Variants in HDAC9 observed in about 807,000 individuals in gnomAD.
The protein encoded by HDAC9 is MEF-2 interacting transcription repressor (MITR) protein.
In HDAC9, 41 loss-of-function variants were observed where a neutral mutation model predicts 139.4. The observed-to-expected ratio is 0.29, with a 90% CI of 0.23 to 0.38. The LOEUF (loss-of-function observed/expected upper bound fraction) is 0.38. Among genes scored for constraint, HDAC9 ranks in the 10% least tolerant of loss-of-function variants. The pLI is 1.00. For missense variants in HDAC9, 1,147 were observed against 1,297.0 expected (o/e 0.88, Z 1.78); for synonymous variants, 517 against 476.2 (o/e 1.09, Z -1.12).
chr7:18,234,492 A>G lies in HDAC9; in HGVS notation c.25+72143A>G, dbSNP rs115991355. ...TATTATTAACCACCTTATTAATAAAAAGCAGCTAACCTTTATTTAGCTGCT... is the reference window on the plus strand; with the variant it reads ...TATTATTAACCACCTTATTAATAAAGAGCAGCTAACCTTTATTTAGCTGCT... On this transcript the variant is annotated intron_variant, in intron 2 of 12. Coordinates refer to the HDAC9 transcript ENST00000417496. 6.3e-3 allele frequency among the ~76,000 whole-genome samples: 961 copies of G among 152,312 alleles called. 15 individuals are homozygous for G. The highest frequency in any genetic ancestry group is 0.022 in the African/African-American group (934 of 41,566).
intron 2 of HDAC9, among the ~76,000 whole-genome samples, chr7:18,174,807 C>T (rs1434402469): frequency 1.3e-5 from 2 of 152,144 alleles, no homozygotes; most frequent in Admixed American, 6.5e-5. Context: ...AATATTGCTG[C>T]CTGATCCTTC....
chr7:18,262,466 G>T (rs1239133588), intron 2 of HDAC9, among the ~76,000 whole-genome samples: 2 of 152,172 alleles, frequency 1.3e-5, no homozygotes, highest in African/African-American at 2.4e-5. Flanking sequence ...TAGTAGACCT[G>T]TTCTACAAGA....
intron 2 of HDAC9, among the ~76,000 whole-genome samples, chr7:18,215,305 T>G (rs1792226596): frequency 6.6e-6 from 1 of 152,194 alleles, no homozygotes; most frequent in African/African-American, 2.4e-5. Flanking sequence ...ATATTAGTTC[T>G]AGAGAAAGTC....
rs990632360 is a variant in HDAC9, at chr7:18,997,534, T to C, written c.*1472T>C. 6.6e-6 allele frequency: 1 copy of C among 152,170 alleles called. No homozygotes were observed. The highest frequency in any genetic ancestry group is 1.5e-5 in the Non-Finnish European group (1 of 68,014). The allele number at this position is 152,170 out of a possible 1,614,324, so 9.4% of individuals were successfully genotyped here. A position where few individuals can be genotyped will look rare whatever the true frequency, so the allele number is the denominator to read the frequency against. ...ACAATGCTTTTGAAAGAGTTGATGT[T>C]TCTTTTTATATATTTTTCTAACTCA... On this transcript the variant is annotated 3_prime_UTR_variant, in exon 26 of 26. Transcript: ENST00000686413.
chr7:18,971,457 A>G (rs1448570379), intron 24 of HDAC9, among the ~76,000 whole-genome samples: 3 of 152,228 alleles, frequency 2.0e-5, no homozygotes, highest in African/African-American at 2.4e-5. Flanking sequence ...CATTTCTCGT[A>G]TGTGATAATG....
intron 17 of HDAC9, among the ~76,000 whole-genome samples, chr7:18,814,696 G>T (rs1794435499): frequency 6.6e-6 from 1 of 151,978 alleles, no homozygotes; most frequent in East Asian, 1.9e-4. Context: ...AATTTCTGTG[G>T]TCAAAATTTG....
chr7:18,896,587 G>A (rs557496255), intron 22 of HDAC9, among the ~76,000 whole-genome samples: 2 of 152,158 alleles, frequency 1.3e-5, no homozygotes, highest in South Asian at 4.2e-4. Context: ...CCCATTAAGT[G>A]TTTTCTTTTT....
chr7:18,143,226 A>G (rs1786042839), intron 1 of HDAC9, among the ~76,000 whole-genome samples: 1 of 152,216 alleles, frequency 6.6e-6, no homozygotes, highest in African/African-American at 2.4e-5. Context: ...GGAATTGCTG[A>G]TAGTAATTCT....
At chr7:18,656,251 G>T (rs2129050136) in intron 11 of HDAC9, among the ~76,000 whole-genome samples, 1 of 152,092 alleles carries the variant, frequency 6.6e-6, no homozygotes, top group South Asian at 2.1e-4. Context: ...ATGTACTGCT[G>T]CTCTCTTGCT....
At chr7:18,895,404 G>A (rs1405733359) in intron 22 of HDAC9, among the ~76,000 whole-genome samples, 1 of 152,072 alleles carries the variant, frequency 6.6e-6, no homozygotes, top group Non-Finnish European at 1.5e-5. Flanking sequence ...AAATACTGCA[G>A]TGTGGCAGTA....
At chr7:18,477,207 G>GGAC (rs1795178049) in intron 1 of HDAC9, among the ~76,000 whole-genome samples, 1 of 152,094 alleles carries the variant, frequency 6.6e-6, no homozygotes, top group South Asian at 2.1e-4. Context: ...TTATATTATA[G>GGAC]TCAACTATGA....
intron 14 of HDAC9, 65 bp downstream of exon 14, chr7:18,749,203 A>G: frequency 6.6e-7 from 1 of 1,516,830 alleles, no homozygotes; most frequent in African/African-American, 1.4e-5. Flanking sequence ...GCCAGTATTC[A>G]TTTGGGGAGT....
intron 12 of HDAC9, among the ~76,000 whole-genome samples, chr7:18,682,376 T>G (rs1486657589): frequency 5.9e-5 from 9 of 152,172 alleles, no homozygotes; most frequent in African/African-American, 2.2e-4. Context: ...TTGTGTATGA[T>G]TAATTTTTCA....
intron 25 of HDAC9, among the ~76,000 whole-genome samples, chr7:18,976,391 G>A (rs369642303): frequency 6.6e-6 from 1 of 152,168 alleles, no homozygotes; most frequent in Admixed American, 6.5e-5. Context: ...ATGCTAGACC[G>A]TTGGATAGCC....
intron 2 of HDAC9, among the ~76,000 whole-genome samples, chr7:18,239,492 C>T (rs1734154415): frequency 6.6e-6 from 1 of 152,154 alleles, no homozygotes; most frequent in Admixed American, 6.5e-5. Context: ...TGACCAAGGA[C>T]TTTGTGAAAA....
At position 18,980,754 on chromosome 7, in the gene HDAC9, T is replaced by C. The variant is rs1221157461; in HGVS notation, c.3170+4801T>C. 5.8e-5 allele frequency among the ~76,000 whole-genome samples: 8 copies of C among 136,900 alleles called. No individual in the cohort carries two copies. The East Asian group carries it at 1.5e-3, about 27-fold the overall frequency. 89.8% of individuals were successfully genotyped at this position (136,900 alleles called of 152,430 possible). A position where few individuals can be genotyped will look rare whatever the true frequency, so the allele number is the denominator to read the frequency against. ...TCTTCTTCTTCTTCTTCCTTCTTCT[T>C]CTTCCTTCTTCTTCTTCTTCTTCCT... is the stretch of plus-strand genomic sequence containing the variant. On this transcript the variant is annotated intron_variant, in intron 25 of 25. Transcript: ENST00000686413.
intron 2 of HDAC9, among the ~76,000 whole-genome samples, chr7:18,255,226 G>A (rs1414451898): frequency 6.6e-6 from 1 of 152,136 alleles, no homozygotes; most frequent in Non-Finnish European, 1.5e-5. Context: ...ACACATAGCT[G>A]ATATTCATAC....
intron 13 of HDAC9, among the ~76,000 whole-genome samples, chr7:18,744,989 G>C (rs971969695): frequency 2.6e-5 from 4 of 152,068 alleles, no homozygotes; most frequent in African/African-American, 7.2e-5. Context: ...TTTAACTCTT[G>C]TCCCACTGAT....
At chr7:18,199,007 T>C (rs1178321) in intron 2 of HDAC9, among the ~76,000 whole-genome samples, 73,322 of 151,978 alleles carry the variant, frequency 0.48, 18,762 homozygotes, top group African/African-American at 0.65. Flanking sequence ...TTATCACCTA[T>C]AGTGTAAAAT....
Sources: gnomAD v4.1 joint callset for allele counts (sites outside exome capture counted in the v4.1 genomes callset) on GRCh38, gnomAD v4.1.1 for gene constraint, MANE v1.5 for transcripts, NCBI Gene and HGNC (gene_info 2026-07-23, HGNC 2026-07-21) for gene names.